The following CDH18 variants were observed in gnomAD, a reference collection of about 807,000 sequenced individuals.
CDH18 encodes cadherin-18.
A neutral mutation model predicts 67.9 loss-of-function variants in CDH18; 31 were observed. That is an observed-to-expected ratio of 0.46 (90% CI 0.34 to 0.62). The LOEUF (loss-of-function observed/expected upper bound fraction) is 0.62. Among genes scored for constraint, CDH18 ranks in the 20% least tolerant of loss-of-function variants. The pLI, the probability that CDH18 is intolerant of heterozygous loss-of-function variation, is 0.01. For missense variants in CDH18, 890 were observed against 975.5 expected (o/e 0.91, Z 1.17); for synonymous variants, 362 against 347.2 (o/e 1.04, Z -0.48).
chr5:20,516,147 A>G (rs1755352028), intron 1 of CDH18, among the ~76,000 whole-genome samples: 1 of 152,026 alleles, frequency 6.6e-6, no homozygotes, highest in Non-Finnish European at 1.5e-5. Context: ...TGTAGTACTT[A>G]TTATGGTGGT....
chr5:19,774,241 GC>G (rs1774033575), intron 3 of CDH18, among the ~76,000 whole-genome samples: 1 of 151,668 alleles, frequency 6.6e-6, no homozygotes, highest in Non-Finnish European at 1.5e-5. Flanking sequence ...GAATATTTGT[GC>G]CCCCTTAAAA....
intron 1 of CDH18, among the ~76,000 whole-genome samples, chr5:20,276,555 T>C (rs1745827735): frequency 6.6e-6 from 1 of 152,162 alleles, no homozygotes; most frequent in Non-Finnish European, 1.5e-5. Flanking sequence ...AATTACTCAT[T>C]GTGGGCCTTG....
intron 2 of CDH18, among the ~76,000 whole-genome samples, chr5:19,890,969 A>T (rs1788727588): frequency 6.6e-6 from 1 of 152,174 alleles, no homozygotes; most frequent in South Asian, 2.1e-4. Context: ...CATAATAGAC[A>T]ACTTTACTAT....
chr5:19,822,403 C>A (rs1335468537), intron 3 of CDH18, among the ~76,000 whole-genome samples: 1 of 152,154 alleles, frequency 6.6e-6, no homozygotes, highest in Non-Finnish European at 1.5e-5. Context: ...TCAATTCTAT[C>A]TGGGGAAATT....
intron 2 of CDH18, among the ~76,000 whole-genome samples, chr5:19,976,827 C>CA (rs1209375580): frequency 4.0e-5 from 6 of 151,734 alleles, no homozygotes; most frequent in African/African-American, 1.5e-4. Context: ...AGTTATGAGG[C>CA]AAAAATAAAG....
chr5:19,659,059 A>G (rs963692711), intron 5 of CDH18, among the ~76,000 whole-genome samples: 1 of 152,174 alleles, frequency 6.6e-6, no homozygotes, highest in African/African-American at 2.4e-5. Flanking sequence ...ACAAAAACCC[A>G]AACACTGAAT....
chr5:20,500,614 G>A (rs777593510), intron 1 of CDH18, among the ~76,000 whole-genome samples: 28 of 152,190 alleles, frequency 1.8e-4, no homozygotes, highest in Non-Finnish European at 2.6e-4. Flanking sequence ...GACATGCACT[G>A]CTCCTTTAGT....
At position 19,544,006 on chromosome 5, in the gene CDH18, C is replaced by A; in HGVS notation, c.1254-1G>T. The A allele has an allele frequency of 6.6e-7, 1 of 1,523,922 alleles. No individual in the cohort carries two copies. The highest frequency in any genetic ancestry group is 8.9e-7 in the Non-Finnish European group (1 of 1,126,622). 94.4% of individuals were successfully genotyped at this position (1,523,922 alleles called of 1,614,324 possible). A position where few individuals can be genotyped will look rare whatever the true frequency, so the allele number is the denominator to read the frequency against. Reference sequence around the variant, plus strand: ...TTCAACATTGTAGTTGATGAAGTATCTAGAGAAAAAAAGAGAAGTTTTTAC... The same window carrying A: ...TTCAACATTGTAGTTGATGAAGTATATAGAGAAAAAAAGAGAAGTTTTTAC... On this transcript the variant is annotated splice_acceptor_variant, in intron 8 of 12. Transcript: ENST00000382275. LOFTEE classifies it high-confidence loss of function.
intron 2 of CDH18, among the ~76,000 whole-genome samples, chr5:20,244,547 A>T (rs1221414913): frequency 6.6e-6 from 1 of 152,124 alleles, no homozygotes; most frequent in Non-Finnish European, 1.5e-5. Context: ...TTCTCAAAAA[A>T]TCTTGACTTC....
At chr5:19,820,321 T>C (rs1386146080) in intron 3 of CDH18, among the ~76,000 whole-genome samples, 8 of 152,088 alleles carry the variant, frequency 5.3e-5, no homozygotes, top group Admixed American at 2.6e-4. Context: ...AAACTAGCTG[T>C]TCAGACCTGC....
chr5:19,911,902 A>T (rs16888134), intron 2 of CDH18, among the ~76,000 whole-genome samples: 28,797 of 152,096 alleles, frequency 0.19, 4,214 homozygotes, highest in African/African-American at 0.41. Flanking sequence ...TAAAACAGGG[A>T]ACCATGGAAC....
chr5:19,930,352 T>C (rs1437914792), intron 2 of CDH18, among the ~76,000 whole-genome samples: 2 of 151,732 alleles, frequency 1.3e-5, no homozygotes, highest in Non-Finnish European at 2.9e-5. Flanking sequence ...GTGTACACAC[T>C]GAAGAAGCAG....
chr5:20,056,473 C>CTTTTTTTTTTT (rs1561754004), intron 2 of CDH18, among the ~76,000 whole-genome samples: 4 of 13,556 alleles, frequency 3.0e-4, no homozygotes, highest in East Asian at 1.5e-3. Context: ...TATTTTCTTT[C>CTTTTTTTTTTT]TTTTGTTTTT....
chr5:19,781,194 C>A (rs1775071916), intron 3 of CDH18, among the ~76,000 whole-genome samples: 1 of 151,754 alleles, frequency 6.6e-6, no homozygotes, highest in African/African-American at 2.4e-5. Flanking sequence ...CATTAGCATA[C>A]ATAAAGTGAA....
chr5:19,776,189 C>G (rs948592140), intron 3 of CDH18, among the ~76,000 whole-genome samples: 4 of 152,036 alleles, frequency 2.6e-5, no homozygotes, highest in Non-Finnish European at 5.9e-5. Context: ...AGATTTGACA[C>G]AATAAAGAAA....
At chr5:20,328,470 C>T (rs1738820979) in intron 1 of CDH18, among the ~76,000 whole-genome samples, 1 of 84,650 alleles carries the variant, frequency 1.2e-5, no homozygotes, top group Admixed American at 1.4e-4. Context: ...TTGGAGAAGC[C>T]ATTTGTGTGT....
chr5:19,956,610 A>C (rs1796277902), intron 2 of CDH18, among the ~76,000 whole-genome samples: 1 of 151,728 alleles, frequency 6.6e-6, no homozygotes, highest in African/African-American at 2.4e-5. Context: ...TTCTTACCAA[A>C]TTATCCTGCC....
intron 2 of CDH18, among the ~76,000 whole-genome samples, chr5:20,143,848 G>A (rs74652344): frequency 0.012 from 1,821 of 152,260 alleles, 24 homozygotes; most frequent in Non-Finnish European, 0.017. Context: ...CAGGGCCAAG[G>A]ATGCAGCTGG....
chr5:20,066,541 C>T (rs78412887), intron 2 of CDH18, among the ~76,000 whole-genome samples: 1,750 of 152,048 alleles, frequency 0.012, 39 homozygotes, highest in African/African-American at 0.04. Flanking sequence ...ATTAAGGTGG[C>T]TGGTAAAATT....
Sources: allele counts gnomAD v4.1 joint callset (sites outside exome capture counted in the v4.1 genomes callset), GRCh38; gene constraint gnomAD v4.1.1; transcripts MANE v1.5; gene names NCBI Gene and HGNC (gene_info 2026-07-23, HGNC 2026-07-21).